Variants in NTRK1 observed in about 807,000 individuals in gnomAD.
NTRK1 encodes neurotrophic receptor tyrosine kinase 1.
Under a neutral mutation model 86.8 loss-of-function variants are expected in NTRK1, and 62 were observed. That is an observed-to-expected ratio of 0.71 (90% CI 0.58 to 0.88). NTRK1 has a LOEUF of 0.88. Among genes scored for constraint, NTRK1 ranks in the 40% least tolerant of loss-of-function variants. The pLI is 0.00. For synonymous variants in NTRK1, 469 were observed against 456.6 expected (o/e 1.03, Z -0.35); for missense variants, 967 against 1,078.4 (o/e 0.90, Z 1.45).
At chr1:156,816,344 GCTGGCCTTCGGATGGT>G (rs1379406317) in intron 1 of NTRK1, among the ~76,000 whole-genome samples, 2 of 152,214 alleles carry the variant, frequency 1.3e-5, no homozygotes, top group Non-Finnish European at 2.9e-5. Context: ...TGGGAGTCAG[GCTGGCCTTCGGATGGT>G]CAGGGAGGCA....
intron 6 of NTRK1, 75 bp from the exon 7 acceptor site, chr1:156,871,548 C>G: frequency 6.4e-7 from 1 of 1,550,400 alleles, no homozygotes; most frequent in South Asian, 1.1e-5. Flanking sequence ...GCCAGAGGGG[C>G]TCTCCAAAGA....
Position 156,868,530 on chromosome 1 carries a change from G to T in NTRK1, c.600G>T (p.Val200=). The T allele has an allele frequency of 6.4e-7, 1 of 1,559,402 alleles. No homozygotes were observed. Among genetic ancestry groups the T allele is most frequent in the Non-Finnish European group, 8.7e-7 (1 of 1,151,330 alleles). ...GTGTGCCCACGCTGAAGGTCCAGGT[G>T]CCCAATGCCTCGGTGGATGTGGGGG... is the stretch of plus-strand genomic sequence containing the variant. ...SCGVPTLKVQ[V]PNASVDVGDD... Residue 200 remains valine, a synonymous_variant, in exon 6 of 17, where the codon GTG becomes GTT. Coordinates refer to ENST00000524377, the MANE Select transcript of NTRK1 (RefSeq NM_002529.4).
chr1:156,852,226 G>GC, intron 2 of NTRK1: 4 of 1,546,396 alleles, frequency 2.6e-6, no homozygotes, highest in Non-Finnish European at 3.5e-6. Flanking sequence ...CGTTGGCCAT[G>GC]CCCCCTCAGT....
At chr1:156,862,774 C>G (rs1202433822) in intron 1 of NTRK1, among the ~76,000 whole-genome samples, 1 of 152,208 alleles carries the variant, frequency 6.6e-6, no homozygotes, top group African/African-American at 2.4e-5. Flanking sequence ...TTCTCACCCC[C>G]TCCCTGGGTC....
chr1:156,851,443 G>T lies in NTRK1; in HGVS notation c.50+9250G>T, dbSNP rs187753955. On this transcript the variant is annotated intron_variant, in intron 2 of 16. Transcript: ENST00000392302. ...CTGTGGCTCCAGGTTGTCTAGGGAT[G>T]GGAAGACAGGGCTGGAGTAGGAGCA... 2.5e-6 allele frequency: 4 copies of T among 1,614,118 alleles called. No individual in the cohort carries two copies. In the Admixed American group the frequency reaches 6.7e-5, roughly 27 times the overall value.
In NTRK1 at chr1:156,866,991, G is replaced by A. The variant is rs201220502; in HGVS notation, c.428+13G>A. 8.7e-6 allele frequency: 14 copies of A among 1,613,632 alleles called. No individual in the cohort carries two copies. Among genetic ancestry groups the A allele is most frequent in the East Asian group, 2.2e-5 (1 of 44,898 alleles). On this transcript the variant is annotated intron_variant, in intron 4 of 16. Coordinates refer to ENST00000524377, the MANE Select transcript of NTRK1 (RefSeq NM_002529.4). ...CCTTACAGGAACTGTGAGTGGGGGC[G>A]CTTCCAGGGGCAAGAGCACCAAGTG...
chr1:156,873,114 A>G (rs1485046837), intron 7 of NTRK1, among the ~76,000 whole-genome samples: 1 of 150,302 alleles, frequency 6.7e-6, no homozygotes, highest in Non-Finnish European at 1.5e-5. Flanking sequence ...CTTTGGGATC[A>G]TAACTCACTG....
At chr1:156,864,305 A>G in intron 1 of NTRK1, 49 bp from the exon 2 acceptor site, 2 of 1,588,370 alleles carry the variant, frequency 1.3e-6, no homozygotes, top group Non-Finnish European at 1.7e-6. Flanking sequence ...GGGCATGGGA[A>G]CTCAAGTGTG....
At position 156,868,608 on chromosome 1, in the gene NTRK1, C is replaced by A. The variant is rs900718976; in HGVS notation, c.678C>A (p.Gly226=). 3.9e-6 allele frequency: 6 copies of A among 1,551,012 alleles called. No homozygotes were observed. Among genetic ancestry groups the A allele is most frequent in the Non-Finnish European group, 5.2e-6 (6 of 1,147,080 alleles). Residue 226 remains glycine (G), a synonymous_variant, in exon 6 of 17, where the codon GGC becomes GGA. Transcript: ENST00000524377. ...QVEGRGLEQA[G]WILTELEQSA... ...AGGGGCGGGGCCTGGAGCAGGCCGGCTGGATCCTCACAGAGCTGGAGCAGT... is the reference window on the plus strand; with the variant it reads ...AGGGGCGGGGCCTGGAGCAGGCCGGATGGATCCTCACAGAGCTGGAGCAGT...
At chr1:156,845,491 A>G (rs1396773184) in intron 2 of NTRK1, 86 of 1,505,452 alleles carry the variant, frequency 5.7e-5, no homozygotes, top group Non-Finnish European at 7.5e-5. Flanking sequence ...CCGCCTCCAA[A>G]AGCACCCACA....
At chr1:156,879,469 G>A (rs968901379) in intron 15 of NTRK1, 107 bp downstream of exon 15, 1 of 1,404,958 alleles carries the variant, frequency 7.1e-7, no homozygotes, top group Non-Finnish European at 9.6e-7. Flanking sequence ...GCATGGGTCT[G>A]AGATTCACTG....
rs1293264327 is a variant in NTRK1, at chr1:156,855,528, T to G, written c.51-8826T>G. Among the ~76,000 whole-genome samples the G allele has an allele frequency of 3.3e-5, 5 of 152,086 alleles. No homozygotes were observed. The East Asian group carries it at 9.7e-4, about 29-fold the overall frequency. Reference sequence around the variant, plus strand: ...CCTGAACATCCTAGTTAAAATTGACTTCTATTTTCACTGGCTGGGTGCAGT... The same window carrying G: ...CCTGAACATCCTAGTTAAAATTGACGTCTATTTTCACTGGCTGGGTGCAGT... On this transcript the variant is annotated intron_variant, in intron 2 of 16. Transcript: ENST00000392302.
rs377730927 is a variant in NTRK1 at position 156,880,037 on chromosome 1, G to T, written c.2085G>T (p.Pro695=). 1 of 1,613,450 alleles carries T rather than the reference G, an allele frequency of 6.2e-7. No homozygotes were observed. Among genetic ancestry groups the T allele is most frequent in the Non-Finnish European group, 8.5e-7 (1 of 1,179,970 alleles). Residue 695 remains proline, a synonymous_variant, in exon 16 of 17, where the codon CCG becomes CCT. Coordinates refer to ENST00000524377, the MANE Select transcript of NTRK1 (RefSeq NM_002529.4). ...CCATGCTGCCCATTCGCTGGATGCC[G>T]CCCGAGAGCATCCTGTACCGTAAGT... ...GRTMLPIRWM[P]PESILYRKFT... is the part of the protein sequence containing the mutation.
At chr1:156,873,262 G>A (rs1468562722) in intron 7 of NTRK1, among the ~76,000 whole-genome samples, 3 of 151,922 alleles carry the variant, frequency 2.0e-5, no homozygotes, top group Non-Finnish European at 2.9e-5. Context: ...GATTGTTAGG[G>A]CCCCTGACCC....
At chr1:156,845,160 T>G in intron 2 of NTRK1, 1 of 1,611,586 alleles carries the variant, frequency 6.2e-7, no homozygotes, top group Non-Finnish European at 8.5e-7. Context: ...TGGATGTCGA[T>G]CCGGTATTCC....
At chr1:156,863,649 TG>T (rs1401983912) in intron 1 of NTRK1, among the ~76,000 whole-genome samples, 1 of 151,536 alleles carries the variant, frequency 6.6e-6, no homozygotes, top group Non-Finnish European at 1.5e-5. Context: ...GCTATGGGGG[TG>T]CAGAGATGTT....
chr1:156,851,416 A>C (rs1264469944), intron 2 of NTRK1: 1 of 1,614,184 alleles, frequency 6.2e-7, no homozygotes, highest in South Asian at 1.1e-5. Flanking sequence ...GCTGTGCTGC[A>C]GCTGTGGCTC....
chr1:156,871,558 A>C, intron 6 of NTRK1, 65 bp from the exon 7 acceptor site: 2 of 1,588,044 alleles, frequency 1.3e-6, no homozygotes, highest in Non-Finnish European at 1.7e-6. Flanking sequence ...CTCTCCAAAG[A>C]CTTCAGCCCC....
rs368564443 is a variant in NTRK1 at position 156,868,128 on chromosome 1, C to G, written c.453C>G (p.His151Gln). 10 of 1,613,888 alleles carry G rather than the reference C, an allele frequency of 6.2e-6. No homozygotes were observed. The highest frequency in any genetic ancestry group is 5.0e-5 in the Admixed American group (3 of 60,018). ...GGGTCCTGTCGGGGAACCCTCTGCA[C>G]TGTTCTTGTGCCCTGCGCTGGCTAC... Reference protein sequence around the residue: ...QELVLSGNPLHCSCALRWLQR... With the variant: ...QELVLSGNPLQCSCALRWLQR... The change falls in exon 5 of 17, where the codon CAC (histidine) becomes CAG (glutamine). Residue 151 changes from histidine (H) to glutamine (Q), a missense_variant. Physicochemically the swap from His to Gln is conservative, Grantham distance 24. Transcript: ENST00000524377.
Sources: allele counts gnomAD v4.1 joint callset (sites outside exome capture counted in the v4.1 genomes callset), GRCh38; gene constraint gnomAD v4.1.1; transcripts MANE v1.5; gene names NCBI Gene and HGNC (gene_info 2026-07-23, HGNC 2026-07-21).